The following DLC1 variants were observed in gnomAD, a reference collection of about 807,000 sequenced individuals.
DLC1 encodes rho GTPase-activating protein 7.
In DLC1, 54 loss-of-function variants were observed where a neutral mutation model predicts 140.3. The ratio of observed to expected loss-of-function variants is 0.38; its 90% confidence interval spans 0.31 to 0.48. DLC1 has a LOEUF of 0.48. DLC1 is among the 20% of genes least tolerant of loss of function. DLC1 has a pLI of 0.96. For synonymous variants in DLC1, 986 were observed against 728.1 expected (o/e 1.35, Z -5.70); for missense variants, 2,536 against 1,907.0 (o/e 1.33, Z -6.14).
chr8:13,144,926 T>G (rs1823305148), intron 5 of DLC1, among the ~76,000 whole-genome samples: 1 of 152,184 alleles, frequency 6.6e-6, no homozygotes, highest in African/African-American at 2.4e-5. Flanking sequence ...AAATAACTGA[T>G]TGCTATTGTT....
rs757073542 is a variant in DLC1 at position 13,119,226 on chromosome 8, TAA to T, written c.1349-3571_1349-3570del. On this transcript the variant is annotated intron_variant, in intron 5 of 17. Transcript: ENST00000276297. ...GTGAGCAACAGGGCAAGACCCTGTC[TAA>T]AAAAAAAAAAAAAAAAAAATAGGTC... 3.6e-3 allele frequency among the ~76,000 whole-genome samples: 429 copies of T among 119,666 alleles called. 1 individual carries two copies. The highest frequency in any genetic ancestry group is 9.6e-3 in the Middle Eastern group (2 of 208). The allele number at this position is 119,666 out of a possible 152,430, so 78.5% of individuals were successfully genotyped here. A position where few individuals can be genotyped will look rare whatever the true frequency, so the allele number is the denominator to read the frequency against.
rs917458285 is a variant in DLC1, at chr8:13,543,186, T to C, written c.-125-42990A>G. Among the ~76,000 whole-genome samples the C allele has an allele frequency of 2.6e-5, 4 of 152,280 alleles. No homozygotes were observed. In the South Asian group the frequency reaches 6.2e-4, roughly 24 times the overall value. On this transcript the variant is annotated intron_variant, in intron 1 of 1. Transcript: ENST00000631382. The stretch of plus-strand genomic sequence containing the variant: ...TAGAATAAATATTCAATTTAAAATA[T>C]TCAGTTTAGTCAAATTCACAAAAAT...
intron 12 of DLC1, 126 bp from the exon 13 acceptor site, chr8:13,092,951 T>A (rs866649346): frequency 4.9e-6 from 5 of 1,021,922 alleles, no homozygotes; most frequent in Non-Finnish European, 4.3e-6. Flanking sequence ...TTGTAGAAAG[T>A]GCACTAGAGG....
chr8:13,561,483 A>T (rs1399500674), intron 1 of DLC1, among the ~76,000 whole-genome samples: 1 of 152,192 alleles, frequency 6.6e-6, no homozygotes, highest in African/African-American at 2.4e-5. Flanking sequence ...CACGTGCAGG[A>T]TTTAATTTTG....
chr8:13,138,002 G>C lies in DLC1; in HGVS notation c.1349-22345C>G, dbSNP rs575007338. ...TTAGCATGGAAAGAAAGATTACGTA[G>C]TTAACTCCTAAACTGCATGACAGAA... On this transcript the variant is annotated intron_variant, in intron 5 of 17. Coordinates refer to ENST00000276297, the MANE Select transcript of DLC1 (RefSeq NM_182643.3). Among the ~76,000 whole-genome samples the C allele has an allele frequency of 1.3e-3, 191 of 152,298 alleles. 1 individual carries two copies. Among genetic ancestry groups the C allele is most frequent in the African/African-American group, 4.3e-3 (179 of 41,576 alleles).
intron 4 of DLC1, among the ~76,000 whole-genome samples, chr8:13,361,316 A>G (rs1327487966): frequency 6.6e-6 from 1 of 151,932 alleles, no homozygotes; most frequent in African/African-American, 2.4e-5. Flanking sequence ...TGGTGCAAAC[A>G]TCTTAATAGC....
intron 5 of DLC1, among the ~76,000 whole-genome samples, chr8:13,291,352 A>C (rs931992447): frequency 1.3e-5 from 2 of 152,218 alleles, no homozygotes; most frequent in Non-Finnish European, 2.9e-5. Context: ...GATAGTAAAT[A>C]TTTTTTGTTA....
At chr8:13,561,908 C>T (rs1031966781) in intron 1 of DLC1, among the ~76,000 whole-genome samples, 6 of 151,926 alleles carry the variant, frequency 3.9e-5, no homozygotes, top group East Asian at 1.9e-4. Context: ...CAATTACTGA[C>T]ATAAAAATTA....
intron 1 of DLC1, among the ~76,000 whole-genome samples, chr8:13,598,734 T>A (rs1192086585): frequency 6.6e-6 from 1 of 152,032 alleles, no homozygotes; most frequent in East Asian, 1.9e-4. Context: ...ATTTAATTAA[T>A]CAATTTATGC....
At chr8:13,160,938 AG>A (rs538854026) in intron 5 of DLC1, among the ~76,000 whole-genome samples, 15 of 152,208 alleles carry the variant, frequency 9.9e-5, no homozygotes, top group African/African-American at 2.4e-4. Context: ...AAAATTAGCC[AG>A]GTGTGGTGGC....
At chr8:13,435,930 T>C (rs1428287288) in intron 2 of DLC1, among the ~76,000 whole-genome samples, 1 of 152,234 alleles carries the variant, frequency 6.6e-6, no homozygotes, top group Non-Finnish European at 1.5e-5. Context: ...ATCAGTCAGC[T>C]GCATCAATAT....
intron 5 of DLC1, among the ~76,000 whole-genome samples, chr8:13,189,836 C>G (rs979891991): frequency 6.6e-6 from 1 of 151,846 alleles, no homozygotes; most frequent in Non-Finnish European, 1.5e-5. Flanking sequence ...GAGCCAAGAT[C>G]GCGCCATTGC....
intron 1 of DLC1, among the ~76,000 whole-genome samples, chr8:13,583,512 GAA>G (rs1563456962): frequency 1.3e-5 from 2 of 152,108 alleles, no homozygotes; most frequent in African/African-American, 2.4e-5. Flanking sequence ...TTCCTGTACT[GAA>G]GTCTTAAACC....
At chr8:13,218,982 C>T (rs191062225) in intron 5 of DLC1, among the ~76,000 whole-genome samples, 8 of 48,894 alleles carry the variant, frequency 1.6e-4, no homozygotes, top group South Asian at 6.3e-4. Context: ...ACGTATATAA[C>T]TATATAATTA....
Position 13,192,715 on chromosome 8 carries a change from T to C in DLC1, c.1349-77058A>G, listed in dbSNP as rs181978216. Among the ~76,000 whole-genome samples, 447 of 152,290 alleles carry C rather than the reference T, an allele frequency of 2.9e-3. 1 individual carries two copies. Among genetic ancestry groups the C allele is most frequent in the Non-Finnish European group, 4.9e-3 (331 of 68,030 alleles). On this transcript the variant is annotated intron_variant, in intron 5 of 17. Coordinates refer to ENST00000276297, the MANE Select transcript of DLC1 (RefSeq NM_182643.3). ...TAAAGAGGTGAGTGGGTTAAAATGATGCTGTTAGGGCAGGATCCTGATCCA... is the reference window on the plus strand; with the variant it reads ...TAAAGAGGTGAGTGGGTTAAAATGACGCTGTTAGGGCAGGATCCTGATCCA...
At chr8:13,398,944 T>G (rs942788562) in intron 3 of DLC1, among the ~76,000 whole-genome samples, 19 of 152,102 alleles carry the variant, frequency 1.2e-4, no homozygotes, top group African/African-American at 4.1e-4. Flanking sequence ...GCAAGAGTGT[T>G]AAGAGGTAAG....
chr8:13,199,846 T>C (rs1352828835), intron 5 of DLC1, among the ~76,000 whole-genome samples: 1 of 152,202 alleles, frequency 6.6e-6, no homozygotes, highest in African/African-American at 2.4e-5. Flanking sequence ...TTTCATAAGA[T>C]GCTATGATGC....
At chr8:13,103,887 G>A (rs1014213053) in intron 7 of DLC1, among the ~76,000 whole-genome samples, 17 of 148,518 alleles carry the variant, frequency 1.1e-4, no homozygotes, top group Non-Finnish European at 8.9e-5. Context: ...AGTTTGTGAT[G>A]TCTCCTTTCA....
chr8:13,162,340 G>C (rs1439397595), intron 5 of DLC1, among the ~76,000 whole-genome samples: 1 of 151,802 alleles, frequency 6.6e-6, no homozygotes, highest in East Asian at 1.9e-4. Flanking sequence ...TGTTGTTTTT[G>C]AGATGAAGTG....
Sources: gnomAD v4.1 joint callset for allele counts (sites outside exome capture counted in the v4.1 genomes callset) on GRCh38, gnomAD v4.1.1 for gene constraint, MANE v1.5 for transcripts, NCBI Gene and HGNC (gene_info 2026-07-23, HGNC 2026-07-21) for gene names.